The following KATNAL2 variants were observed in gnomAD, a reference collection of about 807,000 sequenced individuals.
The protein encoded by KATNAL2 is katanin catalytic subunit A1 like 2, also known as katanin p60 ATPase-containing subunit A-like 2.
A neutral mutation model predicts 76.3 loss-of-function variants in KATNAL2; 52 were observed. The observed-to-expected ratio is 0.68, with a 90% CI of 0.55 to 0.86. The LOEUF (loss-of-function observed/expected upper bound fraction) is 0.86. KATNAL2 is among the 40% of genes least tolerant of loss of function. The pLI is 0.00. For missense variants in KATNAL2, 660 were observed against 668.9 expected (o/e 0.99, Z 0.15); for synonymous variants, 243 against 244.2 (o/e 1.00, Z 0.05).
chr18:46,936,798 T>G (rs1387197600), intron 1 of KATNAL2, among the ~76,000 whole-genome samples: 2 of 151,772 alleles, frequency 1.3e-5, no homozygotes, highest in East Asian at 3.9e-4. Flanking sequence ...CTAAAAATAT[T>G]TAAAAAATTA....
chr18:47,094,385 ATCTC>A (rs2063138857), intron 15 of KATNAL2, among the ~76,000 whole-genome samples: 1 of 152,188 alleles, frequency 6.6e-6, no homozygotes, highest in South Asian at 2.1e-4. Context: ...ATTTTCTTAC[ATCTC>A]TCTGAGAATA....
chr18:47,043,261 T>C (rs1380897165), intron 3 of KATNAL2, among the ~76,000 whole-genome samples: 1 of 115,860 alleles, frequency 8.6e-6, no homozygotes, highest in African/African-American at 3.2e-5. Context: ...CCTAAAAGCT[T>C]CCTGGGAAGA....
At position 47,058,492 on chromosome 18, in the gene KATNAL2, TC is replaced by T. The variant is rs142505186; in HGVS notation, c.450+142del. 5,991 of 601,230 alleles carry T rather than the reference TC, an allele frequency of 1.0e-2. 93 individuals are homozygous for T. The highest frequency in any genetic ancestry group is 0.049 in the African/African-American group (2,634 of 53,862). 37.2% of individuals were successfully genotyped at this position (601,230 alleles called of 1,614,324 possible). Reference sequence around the variant, plus strand: ...GATCTAATTGAATTTTAGGTTTTCTTCCAGTACACTGGACTAAAACCATGGA... The same window carrying T: ...GATCTAATTGAATTTTAGGTTTTCTTCAGTACACTGGACTAAAACCATGGA... On this transcript the variant is annotated intron_variant, in intron 7 of 17. Coordinates refer to ENST00000683218, the MANE Select transcript of KATNAL2 (RefSeq NM_001387690.1).
chr18:47,052,757 T>C, intron 4 of KATNAL2, 123 bp from the exon 5 acceptor site: 1 of 638,036 alleles, frequency 1.6e-6, no homozygotes, highest in Non-Finnish European at 2.5e-6. Context: ...ATACTAGTTT[T>C]CATCTAATGT....
At chr18:47,063,903 T>C (rs2061709990) in intron 10 of KATNAL2, among the ~76,000 whole-genome samples, 1 of 152,230 alleles carries the variant, frequency 6.6e-6, no homozygotes, top group South Asian at 2.1e-4. Context: ...TAGATCCTTC[T>C]CTTGCTAGCT....
chr18:47,032,787 T>G, intron 3 of KATNAL2: 3 of 809,760 alleles, frequency 3.7e-6, no homozygotes, highest in Non-Finnish European at 3.8e-6. Context: ...CGTTCATATC[T>G]TCTGAATTCT....
At chr18:47,049,740 G>A (rs1406837390) in intron 4 of KATNAL2, among the ~76,000 whole-genome samples, 1 of 152,158 alleles carries the variant, frequency 6.6e-6, no homozygotes, top group Admixed American at 6.5e-5. Context: ...TTTGGAGACA[G>A]GGTCTCACCT....
At chr18:47,089,799 A>C (rs1385941530) in intron 15 of KATNAL2, among the ~76,000 whole-genome samples, 1 of 152,232 alleles carries the variant, frequency 6.6e-6, no homozygotes, top group Non-Finnish European at 1.5e-5. Flanking sequence ...TTTTCAACAA[A>C]GCAGATTCAC....
intron 3 of KATNAL2, among the ~76,000 whole-genome samples, chr18:47,041,575 T>C (rs1268426685): frequency 6.6e-6 from 1 of 152,254 alleles, no homozygotes; most frequent in African/African-American, 2.4e-5. Context: ...TGTCTGAGTA[T>C]ACCACAATTT....
chr18:47,088,040 G>A (rs1421196317), intron 15 of KATNAL2, among the ~76,000 whole-genome samples: 1 of 152,190 alleles, frequency 6.6e-6, no homozygotes, highest in Non-Finnish European at 1.5e-5. Flanking sequence ...GGGCTCCACG[G>A]ACACTCTAAG....
Position 47,058,298 on chromosome 18 carries a change from C to A in KATNAL2, c.396C>A (p.Thr132=), listed in dbSNP as rs137920650. ...ATCAGCAGAGGCCCCGGTCCAAAAC[C>A]ACAGCGGGGAAGACAGGGGACACCA... is the stretch of plus-strand genomic sequence containing the variant. The part of the protein sequence containing the change: ...KINQQRPRSK[T]TAGKTGDTKS... Residue 132 remains threonine, a synonymous_variant, in exon 7 of 18, where the codon ACC becomes ACA. Transcript: ENST00000683218. The A allele has an allele frequency of 3.3e-5, 54 of 1,613,968 alleles. No individual in the cohort carries two copies. The highest frequency in any genetic ancestry group is 4.6e-5 in the Non-Finnish European group (54 of 1,179,976).
At chr18:46,940,063 A>G (rs547309207) in intron 1 of KATNAL2, among the ~76,000 whole-genome samples, 1 of 152,334 alleles carries the variant, frequency 6.6e-6, no homozygotes, top group Admixed American at 6.5e-5. Context: ...ATGAGAGATT[A>G]TTACTGTTCC....
At chr18:47,039,387 C>G (rs542095333) in intron 3 of KATNAL2, among the ~76,000 whole-genome samples, 12 of 152,300 alleles carry the variant, frequency 7.9e-5, no homozygotes, top group Middle Eastern at 3.4e-3. Flanking sequence ...GCCATCCCCT[C>G]CACCCACTGC....
chr18:47,075,963 C>T (rs72903277), intron 14 of KATNAL2, among the ~76,000 whole-genome samples: 1,757 of 152,320 alleles, frequency 0.012, 20 homozygotes, highest in Non-Finnish European at 0.019. Context: ...TCTGTTTGTG[C>T]TTCCAAAAGC....
At position 47,063,335 on chromosome 18, in the gene KATNAL2, C is replaced by T. The variant is rs368038985; in HGVS notation, c.700C>T (p.Arg234Ter). 26 of 1,613,820 alleles carry T rather than the reference C, an allele frequency of 1.6e-5. No individual in the cohort carries two copies. The highest frequency in any genetic ancestry group is 6.7e-5 in the East Asian group (3 of 44,878). ...SAFIGMNSEM[R>*]ELAAVVSRDI... ...ATTTATTGGCATGAACAGTGAGATG[C>T]GAGAATTGGCAGCCGTGGTGAGCCG... The change falls in exon 10 of 18, where the codon CGA (arginine) becomes TGA (stop). Residue 234 changes from arginine (R) to a stop codon, truncating the protein, a stop_gained. Coordinates refer to ENST00000683218, the MANE Select transcript of KATNAL2 (RefSeq NM_001387690.1). LOFTEE classifies it high-confidence loss of function.
intron 3 of KATNAL2, chr18:47,032,946 T>C (rs1599564891): frequency 6.2e-7 from 1 of 1,612,562 alleles, no homozygotes; most frequent in South Asian, 1.1e-5. Context: ...CCAACCCGCA[T>C]TGACTTTGCC....
chr18:47,069,598 C>G lies in KATNAL2; in HGVS notation c.1006C>G (p.Arg336Gly). The change falls in exon 13 of 18, where the codon CGG becomes GGG. Residue 336 changes from arginine to glycine, a missense_variant and splice_region_variant. Arg to Gly is a moderately radical substitution (Grantham distance 125). Transcript: ENST00000683218. ...GAGAGGGGATTCAGAAAAACTCGTT[C>G]GGGTAGGAATTCTTAATTTTGTTTT... ...KWRGDSEKLV[R>G]VLFELARYHA... 4 of 1,600,212 alleles carry G rather than the reference C, an allele frequency of 2.5e-6. No homozygotes were observed. The highest frequency in any genetic ancestry group is 1.7e-5 in the Admixed American group (1 of 59,436).
Position 47,067,097 on chromosome 18 carries a change from A to G in KATNAL2, c.803A>G (p.Glu268Gly). 1 of 1,580,448 alleles carries G rather than the reference A, an allele frequency of 6.3e-7. No homozygotes were observed. The highest frequency in any genetic ancestry group is 1.2e-5 in the South Asian group (1 of 86,174). Residue 268 changes from glutamate (E) to glycine (G), a missense_variant, in exon 11 of 18, where the codon GAA (glutamate) becomes GGA (glycine). Glu to Gly is a moderately conservative substitution (Grantham distance 98, BLOSUM62 -2). Coordinates refer to ENST00000683218, the MANE Select transcript of KATNAL2 (RefSeq NM_001387690.1). ...GLDAAKQLVK[E>G]AVVYPIRYPQ... ...GATGCAGCCAAGCAGTTAGTCAAAG[A>G]AGCTGTTGTGTATCCTATAAGGGTA...
At chr18:47,095,750 G>T (rs1167131759) in intron 15 of KATNAL2, among the ~76,000 whole-genome samples, 1 of 152,176 alleles carries the variant, frequency 6.6e-6, no homozygotes, top group Non-Finnish European at 1.5e-5. Context: ...GTGTGGTGTG[G>T]GTGCTGACCA....
Sources: allele counts gnomAD v4.1 joint callset (sites outside exome capture counted in the v4.1 genomes callset), GRCh38; gene constraint gnomAD v4.1.1; transcripts MANE v1.5; gene names NCBI Gene and HGNC (gene_info 2026-07-23, HGNC 2026-07-21).